Variants in ZDHHC4 observed in about 807,000 individuals in gnomAD.
ZDHHC4 encodes zDHHC palmitoyltransferase 4.
A neutral mutation model predicts 36.7 loss-of-function variants in ZDHHC4; 42 were observed. That is an observed-to-expected ratio of 1.14 (90% CI 0.89 to 1.48). ZDHHC4 has a LOEUF of 1.48. Ranked by LOEUF, ZDHHC4 falls within the 40% of genes most tolerant of loss-of-function variation. The pLI, the probability that ZDHHC4 is intolerant of heterozygous loss-of-function variation, is 0.00. For synonymous variants in ZDHHC4, 189 were observed against 166.6 expected (o/e 1.13, Z -1.03); for missense variants, 457 against 421.5 (o/e 1.08, Z -0.74).
Position 6,588,932 on chromosome 7 carries a change from G to C in ZDHHC4, c.*22G>C, listed in dbSNP as rs1378705262. The C allele has an allele frequency of 6.3e-7, 1 of 1,589,402 alleles. No individual in the cohort carries two copies. Among genetic ancestry groups the C allele is most frequent in the Non-Finnish European group, 8.6e-7 (1 of 1,161,404 alleles). On this transcript the variant is annotated 3_prime_UTR_variant, in exon 8 of 8. Coordinates refer to ENST00000335965, the MANE Select transcript of ZDHHC4 (RefSeq NM_001134389.2). ...ATGACAAGTGTATGACTGCCTTTGA[G>C]CTGTAGTTCCCGTTTATTTACACAT...
At chr7:6,582,845 T>A (rs898780940) in intron 5 of ZDHHC4, among the ~76,000 whole-genome samples, 10 of 151,966 alleles carry the variant, frequency 6.6e-5, no homozygotes, top group African/African-American at 2.2e-4. Flanking sequence ...GTGAATTAGG[T>A]TTGTGTGTTA....
chr7:6,583,334 A>G lies in ZDHHC4; in HGVS notation c.399A>G (p.Leu133=). 6.2e-7 allele frequency: 1 copy of G among 1,613,882 alleles called. No homozygotes were observed. Among genetic ancestry groups the G allele is most frequent in the Non-Finnish European group, 8.5e-7 (1 of 1,179,938 alleles). The change falls in exon 6 of 8, where the codon TTA becomes TTG. Residue 133 remains leucine (L), a synonymous_variant. Coordinates refer to ENST00000335965, the MANE Select transcript of ZDHHC4 (RefSeq NM_001134389.2). ...PGIITKANEL[L]FLHVYEFDEV... is the part of the protein sequence containing the mutation. Reference sequence around the variant, plus strand: ...TTATAACAAAAGCAAATGAATTATTATTTCTTCATGTTTATGAATTTGATG... The same window carrying G: ...TTATAACAAAAGCAAATGAATTATTGTTTCTTCATGTTTATGAATTTGATG...
chr7:6,581,492 G>A, intron 3 of ZDHHC4, 115 bp from the exon 4 acceptor site: 1 of 768,028 alleles, frequency 1.3e-6, no homozygotes, highest in Non-Finnish European at 2.3e-6. Flanking sequence ...CACCCATATA[G>A]GGAAACAAAA....
intron 2 of ZDHHC4, 105 bp from the exon 3 acceptor site, chr7:6,580,450 A>G (rs1780762603): frequency 8.8e-6 from 8 of 905,718 alleles, no homozygotes; most frequent in Non-Finnish European, 1.5e-5. Flanking sequence ...TAAAGTCTAG[A>G]TGAATTCTGT....
chr7:6,588,761 G>A lies in ZDHHC4; in HGVS notation c.886G>A (p.Ala296Thr), dbSNP rs748296086. ...TTNEWYRGDW[A>T]WCQRCPLVAW... ...TAACGAGTGGTACAGAGGTGACTGG[G>A]CCTGGTGCCAGCGTTGTCCCCTTGT... The change falls in exon 8 of 8, where the codon GCC becomes ACC. Residue 296 changes from alanine (A) to threonine (T), a missense_variant. By Grantham distance (58) the Ala-to-Thr change is moderately conservative. Transcript: ENST00000335965. 20 of 1,614,230 alleles carry A rather than the reference G, an allele frequency of 1.2e-5. No homozygotes were observed. The highest frequency in any genetic ancestry group is 1.7e-5 in the Non-Finnish European group (20 of 1,180,042).
intron 5 of ZDHHC4, among the ~76,000 whole-genome samples, chr7:6,582,539 A>G (rs933080386): frequency 6.6e-6 from 1 of 152,044 alleles, no homozygotes; most frequent in African/African-American, 2.4e-5. Flanking sequence ...GTTTCTTAAG[A>G]CGGAGTCACG....
intron 4 of ZDHHC4, 36 bp from the exon 5 acceptor site, chr7:6,582,037 A>G: frequency 6.3e-7 from 1 of 1,583,872 alleles, no homozygotes; most frequent in Non-Finnish European, 8.6e-7. Context: ...TTCAAGAAGA[A>G]ACCCCCATGA....
intron 1 of ZDHHC4, 82 bp downstream of exon 1, chr7:6,577,580 T>TTG (rs1025905492): frequency 6.6e-6 from 1 of 152,236 alleles, no homozygotes; most frequent in Non-Finnish European, 1.5e-5. Context: ...CCCTTTCCCC[T>TTG]TGTGTGTAGG....
chr7:6,581,115 C>T, intron 3 of ZDHHC4: 1 of 245,010 alleles, frequency 4.1e-6, no homozygotes, highest in Non-Finnish European at 7.9e-6. Flanking sequence ...TGAGCAGGGT[C>T]CGCCTGGGGC....
rs751297658 is a variant in ZDHHC4, at chr7:6,588,735, C to T, written c.860C>T (p.Thr287Ile). ...VLYLAATNQT[T>I]NEWYRGDWAW... Reference sequence around the variant, plus strand: ...TATCTGGCGGCCACCAACCAGACTACTAACGAGTGGTACAGAGGTGACTGG... The same window carrying T: ...TATCTGGCGGCCACCAACCAGACTATTAACGAGTGGTACAGAGGTGACTGG... The change falls in exon 8 of 8, where the codon ACT (threonine) becomes ATT (isoleucine). Residue 287 changes from threonine to isoleucine, a missense_variant. Transcript: ENST00000335965. 1 of 1,614,104 alleles carries T rather than the reference C, an allele frequency of 6.2e-7. No homozygotes were observed. The highest frequency in any genetic ancestry group is 8.5e-7 in the Non-Finnish European group (1 of 1,180,036).
chr7:6,579,287 G>A (rs948480117), intron 2 of ZDHHC4, among the ~76,000 whole-genome samples: 2 of 150,630 alleles, frequency 1.3e-5, no homozygotes, highest in African/African-American at 2.4e-5. Flanking sequence ...TGCAACCTCC[G>A]CTTCCTGGGT....
At chr7:6,581,474 C>T (rs1780849422) in intron 3 of ZDHHC4, 133 bp from the exon 4 acceptor site, 3 of 683,764 alleles carry the variant, frequency 4.4e-6, no homozygotes, top group East Asian at 2.8e-5. Context: ...TCTGCTAAAT[C>T]ACTTCTTCAC....
intron 3 of ZDHHC4, 97 bp downstream of exon 3, chr7:6,580,775 G>T: frequency 1.7e-6 from 2 of 1,161,822 alleles, no homozygotes; most frequent in Non-Finnish European, 2.5e-6. Context: ...ATGCCAGGCC[G>T]GGTGCAGTGC....
At chr7:6,581,923 C>A in intron 4 of ZDHHC4, 150 bp from the exon 5 acceptor site, 1 of 868,134 alleles carries the variant, frequency 1.2e-6, no homozygotes, top group Non-Finnish European at 1.8e-6. Flanking sequence ...CTGTTAAATA[C>A]ATGCAAAATG....
rs763348487 is a variant in ZDHHC4 at position 6,581,573 on chromosome 7, T to C, written c.118-34T>C. On this transcript the variant is annotated intron_variant, in intron 3 of 7. Coordinates refer to ENST00000335965, the MANE Select transcript of ZDHHC4 (RefSeq NM_001134389.2). ...GTTTGGGAGTGGAGGAAGTGAGAAA[T>C]GAAATTGAGTCTTTCTCTTTCCTTT... 3 of 1,531,884 alleles carry C rather than the reference T, an allele frequency of 2.0e-6. No homozygotes were observed. In the Admixed American group the frequency reaches 5.0e-5, roughly 26 times the overall value. The allele number at this position is 1,531,884 out of a possible 1,614,324, so 94.9% of individuals were successfully genotyped here.
intron 4 of ZDHHC4, 29 bp downstream of exon 4, chr7:6,581,709 T>C (rs1780866691): frequency 6.6e-7 from 1 of 1,520,398 alleles, no homozygotes; most frequent in East Asian, 2.3e-5. Context: ...TTAAATATTC[T>C]CCTCTTTTCT....
Position 6,582,120 on chromosome 7 carries a change from A to G in ZDHHC4, c.239A>G (p.Tyr80Cys), listed in dbSNP as rs757146036. 2 of 1,614,118 alleles carry G rather than the reference A, an allele frequency of 1.2e-6. No individual in the cohort carries two copies. The highest frequency in any genetic ancestry group is 1.7e-6 in the Non-Finnish European group (2 of 1,180,052). The part of the protein sequence containing the change: ...VLHLVLQGMV[Y>C]TEYTWEVFGY... ...CACCTGGTCTTGCAAGGGATGGTTT[A>G]TACTGAGTACACCTGGGAAGTATTT... The change falls in exon 5 of 8, where the codon TAT (tyrosine) becomes TGT (cysteine). Residue 80 changes from tyrosine (Y) to cysteine (C), a missense_variant. By Grantham distance (194) the Tyr-to-Cys change is radical. Transcript: ENST00000335965.
In ZDHHC4 at chr7:6,588,742, G is replaced by A. The variant is rs1781452083; in HGVS notation, c.867G>A (p.Glu289=). 2 of 1,614,090 alleles carry A rather than the reference G, an allele frequency of 1.2e-6. No individual in the cohort carries two copies. The highest frequency in any genetic ancestry group is 1.1e-5 in the South Asian group (1 of 91,090). Residue 289 remains glutamate (E), a synonymous_variant, in exon 8 of 8, where the codon GAG becomes GAA. Coordinates refer to ENST00000335965, the MANE Select transcript of ZDHHC4 (RefSeq NM_001134389.2). ...CGGCCACCAACCAGACTACTAACGA[G>A]TGGTACAGAGGTGACTGGGCCTGGT... ...YLAATNQTTN[E]WYRGDWAWCQ...
At position 6,582,149 on chromosome 7, in the gene ZDHHC4, T is replaced by G. The variant is rs755025705; in HGVS notation, c.268T>G (p.Tyr90Asp). The G allele has an allele frequency of 6.2e-7, 1 of 1,614,224 alleles. No individual in the cohort carries two copies. Among genetic ancestry groups the G allele is most frequent in the South Asian group, 1.1e-5 (1 of 91,082 alleles). Residue 90 changes from tyrosine to aspartate, a missense_variant, in exon 5 of 8, where the codon TAC (tyrosine) becomes GAC (aspartate). By Grantham distance (160) the Tyr-to-Asp change is radical. Transcript: ENST00000335965. ...TGAGTACACCTGGGAAGTATTTGGCTACTGTCAGGAGCTGGAGTTGTCCTT... is the reference window on the plus strand; with the variant it reads ...TGAGTACACCTGGGAAGTATTTGGCGACTGTCAGGAGCTGGAGTTGTCCTT... ...YTEYTWEVFGYCQELELSLHY... is the reference protein window; with the variant it reads ...YTEYTWEVFGDCQELELSLHY...
Sources: allele counts gnomAD v4.1 joint callset (sites outside exome capture counted in the v4.1 genomes callset), GRCh38; gene constraint gnomAD v4.1.1; transcripts MANE v1.5; gene names NCBI Gene and HGNC (gene_info 2026-07-23, HGNC 2026-07-21).